Variants in SYCE3 observed in about 807,000 individuals in gnomAD.
SYCE3 encodes the protein synaptonemal complex central element protein 3.
A neutral mutation model predicts 8.1 loss-of-function variants in SYCE3; 3 were observed. The observed-to-expected ratio is 0.37, with a 90% CI of 0.17 to 0.96. The LOEUF (loss-of-function observed/expected upper bound fraction) is 0.96. Ranked by LOEUF, SYCE3 falls within the 40% of genes least tolerant of loss-of-function variation. The probability of loss-of-function intolerance (pLI) is 0.41; values close to 1 mark genes in which losing one functional copy is unlikely to be tolerated. For missense variants in SYCE3, 83 were observed against 110.0 expected (o/e 0.75, Z 1.10); for synonymous variants, 36 against 38.7 (o/e 0.93, Z 0.26).
At chr22:50,559,632 T>G (rs1316297522) in intron 1 of SYCE3, among the ~76,000 whole-genome samples, 3 of 152,112 alleles carry the variant, frequency 2.0e-5, no homozygotes, top group Non-Finnish European at 4.4e-5. Context: ...GACCAGAGTG[T>G]TAGAAGTGGA....
rs981038997 is a variant in SYCE3, at chr22:50,551,434, C to T, written c.110-32G>A. ...CAAGCAGACAGGACTGGTCAGGCCA[C>T]AGGGAGGGGCTGCAGCTCTGGGGTG... On this transcript the variant is annotated intron_variant, in intron 2 of 2. Transcript: ENST00000406915. 6 of 1,532,288 alleles carry T rather than the reference C, an allele frequency of 3.9e-6. No homozygotes were observed. The African/African-American group carries it at 8.2e-5, about 21-fold the overall frequency. The allele number at this position is 1,532,288 out of a possible 1,614,324, so 94.9% of individuals were successfully genotyped here. A position where few individuals can be genotyped will look rare whatever the true frequency, so the allele number is the denominator to read the frequency against.
At chr22:50,554,672 C>A (rs1451863822) in intron 2 of SYCE3, among the ~76,000 whole-genome samples, 4 of 127,110 alleles carry the variant, frequency 3.1e-5, no homozygotes, top group Non-Finnish European at 4.7e-5. Flanking sequence ...CAAGCCTGGA[C>A]GACAGAGCAA....
At position 50,559,383 on chromosome 22, in the gene SYCE3, C is replaced by T. The variant is rs552708889; in HGVS notation, c.1-2978G>A. On this transcript the variant is annotated intron_variant, in intron 1 of 2. Transcript: ENST00000406915. ...CCTCAGGTGATCCGCCTGCTTCGGC[C>T]TCCCAAGTCCTGGGATTACAGGTGT... Among the ~76,000 whole-genome samples the T allele has an allele frequency of 2.6e-5, 4 of 152,330 alleles. No homozygotes were observed. In the East Asian group the frequency reaches 7.7e-4, roughly 29 times the overall value.
intron 1 of SYCE3, among the ~76,000 whole-genome samples, chr22:50,558,728 T>G (rs1294330561): frequency 6.6e-6 from 1 of 152,070 alleles, no homozygotes; most frequent in East Asian, 1.9e-4. Flanking sequence ...TAATAGTGGG[T>G]GATGGGAGGA....
chr22:50,558,771 C>G (rs2069885503), intron 1 of SYCE3, among the ~76,000 whole-genome samples: 1 of 152,138 alleles, frequency 6.6e-6, no homozygotes, highest in Non-Finnish European at 1.5e-5. Flanking sequence ...TTAACCCTCT[C>G]CTATAGCTAT....
chr22:50,552,240 G>A (rs6520149), intron 2 of SYCE3, among the ~76,000 whole-genome samples: 12,387 of 152,142 alleles, frequency 0.081, 1,098 homozygotes, highest in African/African-American at 0.22. Context: ...AGATCGTTCC[G>A]GTGCAGGGAG....
intron 1 of SYCE3, among the ~76,000 whole-genome samples, chr22:50,556,689 T>C (rs1424193936): frequency 6.6e-6 from 1 of 152,222 alleles, no homozygotes; most frequent in Admixed American, 6.5e-5. Flanking sequence ...ATCTTCATTA[T>C]AATGAAAAAA....
intron 1 of SYCE3, among the ~76,000 whole-genome samples, chr22:50,556,693 G>GA (rs1399201305): frequency 6.6e-6 from 1 of 152,114 alleles, no homozygotes; most frequent in Non-Finnish European, 1.5e-5. Context: ...TCATTATAAT[G>GA]AAAAAAGTCT....
chr22:50,554,399 A>G (rs55749419), intron 2 of SYCE3, among the ~76,000 whole-genome samples: 2,862 of 152,194 alleles, frequency 0.019, 83 homozygotes, highest in African/African-American at 0.066. Flanking sequence ...TTCACTACAT[A>G]AAACTGTTTG....
chr22:50,561,957 C>G (rs980281353), intron 1 of SYCE3, among the ~76,000 whole-genome samples: 47 of 143,376 alleles, frequency 3.3e-4, no homozygotes, highest in African/African-American at 1.2e-3. Context: ...GAGGGGCAGG[C>G]TGCACGGAAT....
chr22:50,557,868 G>C (rs1195113937), intron 1 of SYCE3, among the ~76,000 whole-genome samples: 1 of 152,112 alleles, frequency 6.6e-6, no homozygotes, highest in Non-Finnish European at 1.5e-5. Flanking sequence ...AAGCCTTCCT[G>C]GTCTTTACTT....
At chr22:50,556,028 C>T (rs891797299) in intron 2 of SYCE3, among the ~76,000 whole-genome samples, 3 of 152,086 alleles carry the variant, frequency 2.0e-5, no homozygotes, top group South Asian at 2.1e-4. Flanking sequence ...CTCCTGACCT[C>T]GTGATCCACC....
At chr22:50,553,978 G>A (rs1476528577) in intron 2 of SYCE3, among the ~76,000 whole-genome samples, 4 of 151,980 alleles carry the variant, frequency 2.6e-5, no homozygotes, top group African/African-American at 9.7e-5. Context: ...CAGATTATGA[G>A]GTCAAGAGAT....
In SYCE3 at chr22:50,556,289, C is replaced by T. The variant is rs906701470; in HGVS notation, c.109+8G>A. 1 of 1,541,586 alleles carries T rather than the reference C, an allele frequency of 6.5e-7. No individual in the cohort carries two copies. The highest frequency in any genetic ancestry group is 2.4e-5 in the East Asian group (1 of 40,860). On this transcript the variant is annotated splice_region_variant and intron_variant, in intron 2 of 2. Transcript: ENST00000406915. ...TGTCTCAGATACTTTTGGGTTCACA[C>T]ATCCTACCTGAGATTTTCTCCATCT... is the stretch of plus-strand genomic sequence containing the variant.
chr22:50,553,061 G>A (rs994436146), intron 2 of SYCE3, among the ~76,000 whole-genome samples: 42 of 152,270 alleles, frequency 2.8e-4, no homozygotes, highest in South Asian at 4.1e-4. Context: ...AGCTGGGCAT[G>A]GTGGTGTGCA....
Position 50,551,219 on chromosome 22 carries a change from TG to T in SYCE3, c.*25del, listed in dbSNP as rs1488711261. On this transcript the variant is annotated 3_prime_UTR_variant, in exon 3 of 3. Coordinates refer to ENST00000406915, the MANE Select transcript of SYCE3 (RefSeq NM_001123225.3). ...CTCTTCATACGGGCAGAGGGTGGCA[TG>T]GCAGCTGTGGTGGGCCAGTGGGGCC... is the stretch of plus-strand genomic sequence containing the variant. 6.5e-6 allele frequency: 10 copies of T among 1,549,154 alleles called. No individual in the cohort carries two copies. In the East Asian group the frequency reaches 2.4e-4, roughly 38 times the overall value.
chr22:50,551,996 G>A (rs1430438929), intron 2 of SYCE3, among the ~76,000 whole-genome samples: 3 of 152,160 alleles, frequency 2.0e-5, no homozygotes, highest in Non-Finnish European at 4.4e-5. Context: ...ACAGCAACTC[G>A]AAGGTAGCAT....
chr22:50,555,988 T>G (rs1268598991), intron 2 of SYCE3, among the ~76,000 whole-genome samples: 1 of 151,664 alleles, frequency 6.6e-6, no homozygotes, highest in African/African-American at 2.4e-5. Flanking sequence ...AGAGACGAGG[T>G]TTTACTGTGT....
chr22:50,562,014 G>A (rs1442420707), intron 1 of SYCE3, among the ~76,000 whole-genome samples: 2 of 123,018 alleles, frequency 1.6e-5, no homozygotes, highest in African/African-American at 6.5e-5. Context: ...TGTATGGTGT[G>A]AGGACATGGA....
Sources: gnomAD v4.1 joint callset for allele counts (sites outside exome capture counted in the v4.1 genomes callset) on GRCh38, gnomAD v4.1.1 for gene constraint, MANE v1.5 for transcripts, NCBI Gene and HGNC (gene_info 2026-07-23, HGNC 2026-07-21) for gene names.